TBC1D5: variants seen among roughly 807,000 people sequenced by gnomAD.
TBC1D5 encodes the protein TBC1 domain family, member 5.
A neutral mutation model predicts 100.3 loss-of-function variants in TBC1D5; 75 were observed. The ratio of observed to expected loss-of-function variants is 0.75; its 90% CI spans 0.62 to 0.91. TBC1D5 has a LOEUF of 0.91. Among genes scored for constraint, TBC1D5 ranks in the 40% least tolerant of loss-of-function variants. TBC1D5 has a pLI of 0.00. For synonymous variants in TBC1D5, 323 were observed against 325.6 expected (o/e 0.99, Z 0.09); for missense variants, 910 against 942.4 (o/e 0.97, Z 0.45).
chr3:17,630,278 C>G (rs1467600600), intron 1 of TBC1D5, among the ~76,000 whole-genome samples: 1 of 152,096 alleles, frequency 6.6e-6, no homozygotes, highest in Non-Finnish European at 1.5e-5. Context: ...ATTTTTTTTA[C>G]AAATGTACGT....
chr3:17,180,916 CAAAAAAA>C (rs76797012), intron 19 of TBC1D5, among the ~76,000 whole-genome samples: 27 of 96,182 alleles, frequency 2.8e-4, no homozygotes, highest in Admixed American at 2.0e-3. Context: ...ACATTTACAC[CAAAAAAA>C]AAAAAAAAAA....
intron 15 of TBC1D5, among the ~76,000 whole-genome samples, chr3:17,260,269 C>T (rs1003394267): frequency 6.6e-6 from 1 of 152,152 alleles, no homozygotes; most frequent in African/African-American, 2.4e-5. Flanking sequence ...TTTTCTCTGA[C>T]TTCCAACAAA....
At chr3:17,642,808 C>A (rs11923589) in intron 1 of TBC1D5, among the ~76,000 whole-genome samples, 1 of 151,944 alleles carries the variant, frequency 6.6e-6, no homozygotes, top group African/African-American at 2.4e-5. Context: ...TAAGTAAGAA[C>A]GTACTACATC....
rs562655468 is a variant in TBC1D5 at position 17,474,883 on chromosome 3, C to G, written c.97+33591G>C. Among the ~76,000 whole-genome samples, 8 of 152,138 alleles carry G rather than the reference C, an allele frequency of 5.3e-5. No homozygotes were observed. The East Asian group carries it at 1.5e-3, about 29-fold the overall frequency. ...ATGTGAAAATCTCCAATTCCCTAGA[C>G]CTCAAGCAAAGCCCAGTTGCATTAC... is the stretch of plus-strand genomic sequence containing the variant. On this transcript the variant is annotated intron_variant, in intron 3 of 21. Coordinates refer to ENST00000253692, the Ensembl canonical transcript of TBC1D5.
rs184030345 is a variant in TBC1D5, at chr3:17,570,730, T to C, written c.-36+53119A>G. On this transcript the variant is annotated intron_variant, in intron 2 of 21. Transcript: ENST00000253692. ...TTACATTATACACTCATGTCTATCA[T>C]CTAGAATCTTCAATTACATTTTATT... Among the ~76,000 whole-genome samples, 18 of 152,116 alleles carry C rather than the reference T, an allele frequency of 1.2e-4. No homozygotes were observed. In the East Asian group the frequency reaches 3.5e-3, roughly 29 times the overall value.
intron 1 of TBC1D5, among the ~76,000 whole-genome samples, chr3:17,735,504 A>T (rs979585706): frequency 1.3e-5 from 2 of 152,166 alleles, no homozygotes; most frequent in Non-Finnish European, 2.9e-5. Flanking sequence ...GCCACTCCCA[A>T]GATGGCAGCA....
chr3:17,314,111 A>G (rs1203677897), intron 13 of TBC1D5, among the ~76,000 whole-genome samples: 1 of 152,066 alleles, frequency 6.6e-6, no homozygotes, highest in African/African-American at 2.4e-5. Flanking sequence ...TCCCACTTAC[A>G]TTTTCCAGAG....
intron 2 of TBC1D5, among the ~76,000 whole-genome samples, chr3:17,613,499 T>G (rs2061861658): frequency 6.6e-6 from 1 of 152,156 alleles, no homozygotes; most frequent in Non-Finnish European, 1.5e-5. Context: ...TACACTCCCA[T>G]CAACAGTGTA....
chr3:17,651,294 A>C (rs1293535624), intron 1 of TBC1D5, among the ~76,000 whole-genome samples: 1 of 152,220 alleles, frequency 6.6e-6, no homozygotes, highest in East Asian at 1.9e-4. Flanking sequence ...GAGAAAACAG[A>C]ATGTTTATAA....
chr3:17,432,443 C>A (rs2094461057), intron 3 of TBC1D5, among the ~76,000 whole-genome samples: 2 of 152,094 alleles, frequency 1.3e-5, no homozygotes. Flanking sequence ...CATAAAGTAG[C>A]CACATCATTT....
At chr3:17,392,370 TA>T (rs139619317) in intron 8 of TBC1D5, among the ~76,000 whole-genome samples, 3 of 151,526 alleles carry the variant, frequency 2.0e-5, no homozygotes, top group Non-Finnish European at 4.4e-5. Context: ...ACCCTTTTTT[TA>T]AAAAAAAATT....
Position 17,495,037 on chromosome 3 carries a change from C to A in TBC1D5, c.97+13437G>T, listed in dbSNP as rs557794002. On this transcript the variant is annotated intron_variant, in intron 3 of 21. Transcript: ENST00000253692. ...GGAGCTCCCCTTGCCCCGTGCGGCTCCCGGGTGGCCCCTTGCTCCACTATG... is the reference window on the plus strand; with the variant it reads ...GGAGCTCCCCTTGCCCCGTGCGGCTACCGGGTGGCCCCTTGCTCCACTATG... Among the ~76,000 whole-genome samples, 25 of 152,362 alleles carry A rather than the reference C, an allele frequency of 1.6e-4. No individual in the cohort carries two copies. The East Asian group carries it at 4.1e-3, about 25-fold the overall frequency.
intron 3 of TBC1D5, among the ~76,000 whole-genome samples, chr3:17,439,199 G>A (rs968783156): frequency 6.6e-6 from 1 of 152,100 alleles, no homozygotes. Flanking sequence ...AAATGTAAAG[G>A]CATCTGTTAA....
intron 3 of TBC1D5, among the ~76,000 whole-genome samples, chr3:17,441,541 G>A (rs976239533): frequency 3.9e-5 from 6 of 152,178 alleles, no homozygotes; most frequent in African/African-American, 1.4e-4. Context: ...ATAAGGCCAA[G>A]GTGGCTGGAG....
chr3:17,667,740 C>T (rs904743835), intron 1 of TBC1D5, among the ~76,000 whole-genome samples: 6 of 152,078 alleles, frequency 3.9e-5, no homozygotes, highest in Admixed American at 6.6e-5. Context: ...GCATGAGCCA[C>T]GGTGCCCAGC....
At chr3:17,341,386 C>T (rs1318906465) in intron 13 of TBC1D5, among the ~76,000 whole-genome samples, 13 of 152,084 alleles carry the variant, frequency 8.5e-5, no homozygotes, top group Admixed American at 1.3e-4. Flanking sequence ...TTAGTAGAGA[C>T]GGGGTTTCAC....
chr3:17,617,780 T>C lies in TBC1D5; in HGVS notation c.-36+6069A>G, dbSNP rs548802876. 2.3e-3 allele frequency among the ~76,000 whole-genome samples: 356 copies of C among 152,336 alleles called. 3 individuals carry two copies. The highest frequency in any genetic ancestry group is 0.01 in the South Asian group (50 of 4,832). On this transcript the variant is annotated intron_variant, in intron 2 of 21. Transcript: ENST00000253692. ...TTAAGGTCTTCTCTATGCTGTTTATTCTAGTTAGCCATTCGTCTAACCTTT... is the reference window on the plus strand; with the variant it reads ...TTAAGGTCTTCTCTATGCTGTTTATCCTAGTTAGCCATTCGTCTAACCTTT...
At chr3:17,228,970 G>C (rs917268509) in intron 17 of TBC1D5, among the ~76,000 whole-genome samples, 11 of 152,154 alleles carry the variant, frequency 7.2e-5, no homozygotes, top group African/African-American at 2.7e-4. Context: ...CATGTCCCAT[G>C]AATAATATTT....
chr3:17,714,523 T>C (rs933365086), intron 1 of TBC1D5, among the ~76,000 whole-genome samples: 1 of 152,232 alleles, frequency 6.6e-6, no homozygotes, highest in Non-Finnish European at 1.5e-5. Flanking sequence ...GGGAGAGACA[T>C]TCTTCTTCTG....
Sources: allele counts gnomAD v4.1 joint callset (sites outside exome capture counted in the v4.1 genomes callset), GRCh38; gene constraint gnomAD v4.1.1; transcripts MANE v1.5; gene names NCBI Gene and HGNC (gene_info 2026-07-23, HGNC 2026-07-21).